TAF5: variants seen among roughly 807,000 people sequenced by gnomAD.
The protein encoded by TAF5 is TATA-box binding protein associated factor 5.
A neutral mutation model predicts 80.9 loss-of-function variants in TAF5; 20 were observed. The observed-to-expected ratio is 0.25, with a 90% CI of 0.17 to 0.36. The LOEUF is 0.36. Ranked by LOEUF, TAF5 falls within the 10% of genes least tolerant of loss-of-function variation. The pLI, the probability that TAF5 is intolerant of heterozygous loss-of-function variation, is 1.00. For missense variants in TAF5, 863 were observed against 1,029.4 expected (o/e 0.84, Z 2.21); for synonymous variants, 388 against 406.4 (o/e 0.95, Z 0.55).
rs1228058926 is a variant in TAF5 at position 103,373,338 on chromosome 10, G to GTTTTTTTTTTTTTT, written c.560-14_560-13insTTTTTTTTTTTTTT. On this transcript the variant is annotated intron_variant, in intron 1 of 10. Transcript: ENST00000369839. The stretch of plus-strand genomic sequence containing the variant: ...GTCATAATAGGTCATTTTCTTAAAA[G>GTTTTTTTTTTTTTT]TTTTTTGTTTTTTAAATAGTTGGAA... 1.9e-6 allele frequency: 3 copies of GTTTTTTTTTTTTTT among 1,607,350 alleles called. No homozygotes were observed. Among genetic ancestry groups the GTTTTTTTTTTTTTT allele is most frequent in the Middle Eastern group, 1.7e-4 (1 of 6,020 alleles).
chr10:103,384,504 A>C (rs368412258), intron 7 of TAF5, among the ~76,000 whole-genome samples: 3 of 152,082 alleles, frequency 2.0e-5, no homozygotes, highest in Admixed American at 2.0e-4. Flanking sequence ...GGTGGCGCCC[A>C]CCTGTAATCC....
chr10:103,386,030 TAAC>T (rs2093395594), intron 8 of TAF5, among the ~76,000 whole-genome samples: 1 of 151,630 alleles, frequency 6.6e-6, no homozygotes, highest in African/African-American at 2.4e-5. Flanking sequence ...AATAGTTAAT[TAAC>T]AATCCTCCCT....
intron 4 of TAF5, 23 bp downstream of exon 4, chr10:103,379,794 T>C (rs1355934582): frequency 6.3e-7 from 1 of 1,591,472 alleles, no homozygotes; most frequent in Non-Finnish European, 8.5e-7. Context: ...CTTCAGGAAC[T>C]TGTGTGTGGA....
chr10:103,371,086 CA>C (rs892377948), intron 1 of TAF5, among the ~76,000 whole-genome samples: 6 of 151,952 alleles, frequency 3.9e-5, no homozygotes, highest in Non-Finnish European at 5.9e-5. Flanking sequence ...ACTAAAAATA[CA>C]AAAAAATTAG....
In TAF5 at chr10:103,388,231, G is replaced by A; in HGVS notation, c.*8G>A. On this transcript the variant is annotated 3_prime_UTR_variant, in exon 11 of 11. Transcript: ENST00000369839. ...GCTTATAGTCCACAATAAACCATCG[G>A]TATTAAAGACCTTTTGGAAGCTACT... 6.2e-7 allele frequency: 1 copy of A among 1,606,790 alleles called. No individual in the cohort carries two copies. The highest frequency in any genetic ancestry group is 1.3e-5 in the African/African-American group (1 of 74,596).
At position 103,387,342 on chromosome 10, in the gene TAF5, C is replaced by T. The variant is rs1427453455; in HGVS notation, c.1997C>T (p.Thr666Ile). 1 of 1,612,132 alleles carries T rather than the reference C, an allele frequency of 6.2e-7. No homozygotes were observed. The highest frequency in any genetic ancestry group is 8.5e-7 in the Non-Finnish European group (1 of 1,179,060). The change falls in exon 9 of 11, where the codon ACT (threonine) becomes ATT (isoleucine). Residue 666 changes from threonine (T) to isoleucine (I), a missense_variant. Around this residue, in one of 3 missense-constraint regions of TAF5, gnomAD observed 368 missense variants for 461.7 expected, o/e 0.80. Transcript: ENST00000369839. ...AATGGTAACTGTGTAAGGATCTTCA[C>T]TGGACACAAGGTATTTTACACTCTT... ...VLNGNCVRIF[T>I]GHKGPIHSLT...
intron 2 of TAF5, among the ~76,000 whole-genome samples, chr10:103,375,703 GA>G: frequency 6.6e-6 from 1 of 152,008 alleles, no homozygotes; most frequent in South Asian, 2.1e-4. Context: ...AAGTAGAAGA[GA>G]TACACAGGAA....
chr10:103,372,244 A>G (rs1488884903), intron 1 of TAF5, among the ~76,000 whole-genome samples: 1 of 150,954 alleles, frequency 6.6e-6, no homozygotes, highest in Non-Finnish European at 1.5e-5. Context: ...TGTTATTGTT[A>G]TCTTAAGATA....
chr10:103,381,365 C>G (rs2093382510), intron 5 of TAF5, among the ~76,000 whole-genome samples: 2 of 152,100 alleles, frequency 1.3e-5, no homozygotes, highest in Non-Finnish European at 2.9e-5. Flanking sequence ...CTCCTGGGTT[C>G]AAGTGATTCT....
chr10:103,380,984 C>G (rs2133632709), intron 5 of TAF5, among the ~76,000 whole-genome samples: 1 of 152,082 alleles, frequency 6.6e-6, no homozygotes, highest in African/African-American at 2.4e-5. Flanking sequence ...GAGTCTTGCT[C>G]TGACACCTAG....
chr10:103,371,995 G>A (rs1486780784), intron 1 of TAF5, among the ~76,000 whole-genome samples: 2 of 150,298 alleles, frequency 1.3e-5, no homozygotes, highest in Non-Finnish European at 3.0e-5. Context: ...GGAGTGCAGT[G>A]GAGCGATCTT....
At position 103,383,257 on chromosome 10, in the gene TAF5, A is replaced by G. The variant is rs772040036; in HGVS notation, c.1554A>G (p.Lys518=). Residue 518 remains lysine, a synonymous_variant, in exon 7 of 11, where the codon AAA becomes AAG. Coordinates refer to ENST00000369839, the MANE Select transcript of TAF5 (RefSeq NM_006951.5). ...KQASDLSLID[K]ESDDVLERIM... The stretch of plus-strand genomic sequence containing the variant: ...TTTTAGATCTTAGTCTTATAGACAA[A>G]GAATCAGATGATGTCTTAGAAAGAA... The G allele has an allele frequency of 9.5e-6, 15 of 1,585,810 alleles. No individual in the cohort carries two copies. Among genetic ancestry groups the G allele is most frequent in the Non-Finnish European group, 1.1e-5 (13 of 1,172,138 alleles).
Position 103,381,821 on chromosome 10 carries a change from G to A in TAF5, c.1514G>A (p.Arg505His), listed in dbSNP as rs745466825. 38 of 1,614,058 alleles carry A rather than the reference G, an allele frequency of 2.4e-5. No individual in the cohort carries two copies. Among genetic ancestry groups the A allele is most frequent in the African/African-American group, 6.7e-5 (5 of 74,928 alleles). Reference sequence around the variant, plus strand: ...TGGTCGGTAACACCCAAAAAGCTTCGTAGTGTCAAACAAGCATCAGGTAAC... The same window carrying A: ...TGGTCGGTAACACCCAAAAAGCTTCATAGTGTCAAACAAGCATCAGGTAAC... ...RVWSVTPKKL[R>H]SVKQASDLSL... Residue 505 changes from arginine to histidine, a missense_variant, in exon 6 of 11, where the codon CGT becomes CAT. Coordinates refer to ENST00000369839, the MANE Select transcript of TAF5 (RefSeq NM_006951.5).
intron 1 of TAF5, among the ~76,000 whole-genome samples, chr10:103,370,241 A>T (rs963443716): frequency 1.1e-4 from 16 of 143,546 alleles, no homozygotes; most frequent in South Asian, 2.2e-4. Flanking sequence ...CAAAAAAAAA[A>T]TTTTTTTTTT....
chr10:103,373,538 T>C lies in TAF5; in HGVS notation c.740T>C (p.Met247Thr). ...SQLFYPLFVH[M>T]YLELVYNQHE... ...CTTTTTTATCCTCTGTTTGTGCACA[T>C]GTACTTGGAGCTAGTCTACAATCAA... Residue 247 changes from methionine (M) to threonine (T), a missense_variant, in exon 2 of 11, where the codon ATG becomes ACG. Around this residue, in one of 3 missense-constraint regions of TAF5, gnomAD observed 128 missense variants for 232.2 expected, o/e 0.55. Coordinates refer to ENST00000369839, the MANE Select transcript of TAF5 (RefSeq NM_006951.5). 1 of 1,614,196 alleles carries C rather than the reference T, an allele frequency of 6.2e-7. No individual in the cohort carries two copies. Among genetic ancestry groups the C allele is most frequent in the Non-Finnish European group, 8.5e-7 (1 of 1,180,034 alleles).
Position 103,388,280 on chromosome 10 carries a change from G to A in TAF5, c.*57G>A. The A allele has an allele frequency of 9.5e-6, 13 of 1,375,218 alleles. No homozygotes were observed. The highest frequency in any genetic ancestry group is 2.3e-5 in the East Asian group (1 of 43,594). The allele number at this position is 1,375,218 out of a possible 1,614,324, so 85.2% of individuals were successfully genotyped here. A position where few individuals can be genotyped will look rare whatever the true frequency, so the allele number is the denominator to read the frequency against. ...CTGTTTTTAAAAAGGGAGACTAAAA[G>A]CAAATACCTCAGTGATTAATATTTA... is the stretch of plus-strand genomic sequence containing the variant. On this transcript the variant is annotated 3_prime_UTR_variant, in exon 11 of 11. Coordinates refer to ENST00000369839, the MANE Select transcript of TAF5 (RefSeq NM_006951.5).
chr10:103,372,995 G>A (rs1166433641), intron 1 of TAF5, among the ~76,000 whole-genome samples: 4 of 151,744 alleles, frequency 2.6e-5, no homozygotes, highest in Non-Finnish European at 4.4e-5. Context: ...ACAAGGTCAA[G>A]ATATCAAGAC....
chr10:103,384,871 T>G (rs761808644), intron 7 of TAF5, among the ~76,000 whole-genome samples: 24 of 152,180 alleles, frequency 1.6e-4, no homozygotes, highest in Non-Finnish European at 2.8e-4. Context: ...TTCTTTTTCT[T>G]CAAAAGACAT....
At chr10:103,380,490 T>C (rs1326329448) in intron 5 of TAF5, among the ~76,000 whole-genome samples, 1 of 152,166 alleles carries the variant, frequency 6.6e-6, no homozygotes, top group African/African-American at 2.4e-5. Context: ...CTGCACAGAA[T>C]AGATAGAAGT....
Sources: gnomAD v4.1 joint callset for allele counts (sites outside exome capture counted in the v4.1 genomes callset) on GRCh38, gnomAD v4.1.1 for gene constraint, gnomAD v4.1.1 regional missense constraint, MANE v1.5 for transcripts, NCBI Gene and HGNC (gene_info 2026-07-23, HGNC 2026-07-21) for gene names.